MAF: variants seen among roughly 807,000 people sequenced by gnomAD.
MAF encodes transcription factor Maf.
MAF carries 10 observed loss-of-function variants against 22.0 expected under a neutral mutation model. That is an observed-to-expected ratio of 0.45 (90% CI 0.28 to 0.77). The LOEUF is 0.77. MAF is among the 30% of genes least tolerant of loss of function. The probability of loss-of-function intolerance (pLI) is 0.12; values close to 1 mark genes in which losing one functional copy is unlikely to be tolerated. For synonymous variants in MAF, 337 were observed against 255.8 expected, an observed-to-expected ratio of 1.32 and a Z score of -3.03; for missense variants, 544 against 548.4, an observed-to-expected ratio of 0.99 and a Z score of 0.08.
the MAF span, among the ~76,000 whole-genome samples, chr16:79,331,206 G>T: frequency 6.6e-6 from 1 of 152,188 alleles, no homozygotes; most frequent in Non-Finnish European, 1.5e-5. Flanking sequence ...GATGAAAAAT[G>T]TGTCTTAATC....
At chr16:79,579,245 T>G in the MAF span, among the ~76,000 whole-genome samples, 2 of 152,174 alleles carry the variant, frequency 1.3e-5, no homozygotes, top group Non-Finnish European at 2.9e-5. Context: ...AAATAACAAA[T>G]TAGAAGTTCA....
the MAF span, among the ~76,000 whole-genome samples, chr16:79,520,505 G>T: frequency 6.6e-6 from 1 of 152,084 alleles, no homozygotes; most frequent in African/African-American, 2.4e-5. Context: ...GTGTGTGCTT[G>T]CATGCGTCCC....
chr16:79,485,685 A>G, the MAF span, among the ~76,000 whole-genome samples: 3 of 152,208 alleles, frequency 2.0e-5, no homozygotes, highest in East Asian at 5.8e-4. Context: ...AAGCACCACT[A>G]TTACACTTGC....
At chr16:79,213,193 G>A in the MAF span, among the ~76,000 whole-genome samples, 2 of 152,172 alleles carry the variant, frequency 1.3e-5, no homozygotes, top group African/African-American at 4.8e-5. Flanking sequence ...ATACCAGGAA[G>A]GTGTGGAGGC....
the MAF span, among the ~76,000 whole-genome samples, chr16:79,551,907 C>G: frequency 2.0e-5 from 3 of 152,022 alleles, no homozygotes; most frequent in African/African-American, 4.8e-5. Context: ...AAATTTCCTG[C>G]CAATCCCTGG....
the MAF span, among the ~76,000 whole-genome samples, chr16:79,489,362 T>C: frequency 6.6e-6 from 1 of 152,232 alleles, no homozygotes; most frequent in African/African-American, 2.4e-5. Flanking sequence ...TCCATCCATC[T>C]ATCCATCCAT....
chr16:79,580,343 C>G, the MAF span, among the ~76,000 whole-genome samples: 1 of 152,154 alleles, frequency 6.6e-6, no homozygotes, highest in Non-Finnish European at 1.5e-5. Context: ...TCAGAGCAAA[C>G]AGATGGAACA....
chr16:79,345,457 G>C, the MAF span, among the ~76,000 whole-genome samples: 49 of 152,010 alleles, frequency 3.2e-4, no homozygotes, highest in Admixed American at 3.2e-3. Flanking sequence ...TTTTGGCTAG[G>C]TGTGGTGCCT....
At chr16:79,479,313 G>T in the MAF span, among the ~76,000 whole-genome samples, 2 of 152,220 alleles carry the variant, frequency 1.3e-5, no homozygotes, top group Non-Finnish European at 2.9e-5. Context: ...TATGTTCCAT[G>T]ACAATGTAGC....
chr16:79,587,151 C>A (rs561584699), intron 1 of MAF, among the ~76,000 whole-genome samples: 1 of 152,224 alleles, frequency 6.6e-6, no homozygotes, highest in African/African-American at 2.4e-5. Flanking sequence ...TCATTTCTTA[C>A]CCTTGTATCT....
At chr16:79,233,041 C>T in the MAF span, among the ~76,000 whole-genome samples, 7 of 151,628 alleles carry the variant, frequency 4.6e-5, no homozygotes, top group South Asian at 8.3e-4. Context: ...TGGGTGTCAC[C>T]GTGTTAGCCA....
chr16:79,526,814 G>T, the MAF span, among the ~76,000 whole-genome samples: 1,564 of 151,970 alleles, frequency 0.01, 14 homozygotes, highest in Non-Finnish European at 0.017. Flanking sequence ...AGATAAATGG[G>T]ATACATTCAA....
At chr16:79,251,131 A>C in the MAF span, among the ~76,000 whole-genome samples, 1 of 152,100 alleles carries the variant, frequency 6.6e-6, no homozygotes, top group Admixed American at 6.5e-5. Context: ...TGCTTATTTC[A>C]AAGTTTCTTG....
At chr16:79,585,658 T>G (rs1009202239), downstream of MAF, among the ~76,000 whole-genome samples, 2 of 152,164 alleles carry the variant, frequency 1.3e-5, no homozygotes, top group African/African-American at 4.8e-5. Context: ...ATGCTGATTC[T>G]CACATATATC....
At chr16:79,230,378 G>A in the MAF span, among the ~76,000 whole-genome samples, 2 of 152,260 alleles carry the variant, frequency 1.3e-5, no homozygotes, top group African/African-American at 4.8e-5. Context: ...ACTGAGGCTC[G>A]GAGAGTCACC....
chr16:79,589,535 A>C (rs1026203302), downstream of MAF, among the ~76,000 whole-genome samples: 1 of 152,212 alleles, frequency 6.6e-6, no homozygotes, highest in African/African-American at 2.4e-5. Context: ...CGGAAAACTA[A>C]TAGAAGAAAA....
At chr16:79,371,129 ATT>A in the MAF span, among the ~76,000 whole-genome samples, 20,693 of 148,470 alleles carry the variant, frequency 0.14, 3,111 homozygotes, top group African/African-American at 0.38. Flanking sequence ...ATTCATTCAC[ATT>A]TTTTTTTTTT....
the MAF span, among the ~76,000 whole-genome samples, chr16:79,226,719 T>G: frequency 6.6e-6 from 1 of 152,044 alleles, no homozygotes; most frequent in African/African-American, 2.4e-5. Flanking sequence ...TGGATGACAT[T>G]TTTTTCTTAG....
chr16:79,333,233 G>C, the MAF span, among the ~76,000 whole-genome samples: 2 of 152,172 alleles, frequency 1.3e-5, no homozygotes, highest in Non-Finnish European at 2.9e-5. Context: ...ATCACTTGGG[G>C]CTCAGCCATG....
Sources: gnomAD v4.1 joint callset for allele counts (sites outside exome capture counted in the v4.1 genomes callset) on GRCh38, gnomAD v4.1.1 for gene constraint, MANE v1.5 for transcripts, NCBI Gene and HGNC (gene_info 2026-07-23, HGNC 2026-07-21) for gene names.